Variants in TSNARE1 observed in about 807,000 individuals in gnomAD.
TSNARE1 encodes t-SNARE domain-containing protein 1.
In TSNARE1, 49 loss-of-function variants were observed where a neutral mutation model predicts 62.0. The observed-to-expected ratio is 0.79, with a 90% CI of 0.63 to 1.00. The LOEUF (loss-of-function observed/expected upper bound fraction) is 1.00, where lower values mean the gene tolerates loss of function less well. Among genes scored for constraint, TSNARE1 ranks in the 50% least tolerant of loss-of-function variants. TSNARE1 has a pLI of 0.00. For synonymous variants in TSNARE1, 328 were observed against 294.4 expected (o/e 1.11, Z -1.17); for missense variants, 755 against 700.1 (o/e 1.08, Z -0.88).
Position 142,343,817 on chromosome 8 carries a change from A to AGGAGGAGGAGGAGGGGG in TSNARE1, c.745+148_745+149insCCCCCTCCTCCTCCTCC, listed in dbSNP as rs1563952812. The AGGAGGAGGAGGAGGGGG allele has an allele frequency of 1.3e-4, 25 of 197,840 alleles. No individual in the cohort carries two copies. The African/African-American group carries it at 2.2e-3, about 17-fold the overall frequency. The allele number at this position is 197,840 out of a possible 1,614,324, so 12.3% of individuals were successfully genotyped here. On this transcript the variant is annotated intron_variant, in intron 4 of 13. Transcript: ENST00000524325. ...GGAGGGGGAGGAGGAGGAGGAGGGG[A>AGGAGGAGGAGGAGGGGG]GAGGAGGAGGGGAGAGGGGAAGGGG...
At chr8:142,223,781 C>T (rs1816649068) in intron 13 of TSNARE1, among the ~76,000 whole-genome samples, 1 of 152,232 alleles carries the variant, frequency 6.6e-6, no homozygotes, top group African/African-American at 2.4e-5. Flanking sequence ...GGTGCAGGGG[C>T]TTGGGTCCTG....
Position 142,345,807 on chromosome 8 carries a change from C to T in TSNARE1, c.174G>A (p.Gly58=). ...PESKLQNRCV[G]KDGEGDLGPA... is the part of the protein sequence containing the mutation. Reference sequence around the variant, plus strand: ...GCCCCAGATCACCTTCCCCGTCCTTCCCCACACAGCGGTTCTGCAGCTTGC... The same window carrying T: ...GCCCCAGATCACCTTCCCCGTCCTTTCCCACACAGCGGTTCTGCAGCTTGC... The change falls in exon 3 of 14, where the codon GGG becomes GGA. Residue 58 remains glycine, a synonymous_variant. Transcript: ENST00000524325. The T allele has an allele frequency of 6.2e-7, 1 of 1,613,962 alleles. No individual in the cohort carries two copies. The highest frequency in any genetic ancestry group is 8.5e-7 in the Non-Finnish European group (1 of 1,179,914).
At chr8:142,216,687 G>A (rs1287839504) in intron 13 of TSNARE1, among the ~76,000 whole-genome samples, 1 of 152,172 alleles carries the variant, frequency 6.6e-6, no homozygotes. Flanking sequence ...GGTGGGGGAC[G>A]AGCAGAGGCA....
chr8:142,331,962 C>G, intron 4 of TSNARE1, 131 bp from the exon 5 acceptor site: 1 of 872,946 alleles, frequency 1.1e-6, no homozygotes, highest in Non-Finnish European at 1.8e-6. Context: ...TGAACCCCCT[C>G]ACTGCCTTTG....
chr8:142,330,762 G>T, intron 6 of TSNARE1, 139 bp downstream of exon 6: 1 of 796,334 alleles, frequency 1.3e-6, no homozygotes, highest in Non-Finnish European at 2.1e-6. Context: ...GTGCATATGT[G>T]CGCACATGTG....
At chr8:142,347,164 G>A (rs1833480559) in intron 2 of TSNARE1, among the ~76,000 whole-genome samples, 1 of 152,240 alleles carries the variant, frequency 6.6e-6, no homozygotes, top group Non-Finnish European at 1.5e-5. Context: ...GCAGCTGCCT[G>A]GCTCATTTCG....
Position 142,372,709 on chromosome 8 carries a change from C to A in TSNARE1, c.-39-17946G>T, listed in dbSNP as rs140923633. 1.4e-3 allele frequency among the ~76,000 whole-genome samples: 219 copies of A among 152,284 alleles called. 1 individual carries two copies. Among genetic ancestry groups the A allele is most frequent in the Non-Finnish European group, 2.7e-3 (184 of 68,002 alleles). On this transcript the variant is annotated intron_variant, in intron 1 of 13. Transcript: ENST00000524325. ...CATACGCAGAAGGACCCGGAACATCCCCAAGGGCCTCCTCCTGAGAAGGCC... is the reference window on the plus strand; with the variant it reads ...CATACGCAGAAGGACCCGGAACATCACCAAGGGCCTCCTCCTGAGAAGGCC...
intron 10 of TSNARE1, among the ~76,000 whole-genome samples, chr8:142,284,921 C>T (rs537894265): frequency 3.3e-5 from 5 of 152,340 alleles, no homozygotes; most frequent in East Asian, 1.9e-4. Flanking sequence ...TATACCATCC[C>T]CACTTGCCTG....
intron 12 of TSNARE1, among the ~76,000 whole-genome samples, chr8:142,253,644 G>A (rs1030632435): frequency 7.2e-5 from 11 of 152,316 alleles, no homozygotes; most frequent in African/African-American, 2.6e-4. Flanking sequence ...CTGCCTCGAG[G>A]TCACTCTGCC....
intron 3 of TSNARE1, among the ~76,000 whole-genome samples, 165 bp downstream of exon 3, chr8:142,345,578 C>A (rs1230475811): frequency 6.6e-6 from 1 of 152,192 alleles, no homozygotes; most frequent in Non-Finnish European, 1.5e-5. Flanking sequence ...CACCCTTGAC[C>A]CTACTCAGGG....
chr8:142,341,530 G>A (rs555515321), intron 4 of TSNARE1, among the ~76,000 whole-genome samples: 1 of 152,318 alleles, frequency 6.6e-6, no homozygotes, highest in Admixed American at 6.5e-5. Flanking sequence ...GAAGCAGAGT[G>A]CGCACCTGGG....
rs762769281 is a variant in TSNARE1 at position 142,344,467 on chromosome 8, C to T, written c.244G>A (p.Gly82Arg). 3 of 1,546,420 alleles carry T rather than the reference C, an allele frequency of 1.9e-6. No individual in the cohort carries two copies. The highest frequency in any genetic ancestry group is 2.5e-5 in the South Asian group (2 of 81,378). ...ATCCGGCTGCCTTCAGGGGCAACCC[C>T]AGGCCCTGGAAAGGCACCAAAAGGC... is the stretch of plus-strand genomic sequence containing the variant. ...IVPRARKRGPGVAPEGSRMPE... is the reference protein window; with the variant it reads ...IVPRARKRGPRVAPEGSRMPE... Residue 82 changes from glycine to arginine, a missense_variant, in exon 4 of 14, where the codon GGG becomes AGG. Gly to Arg is a moderately radical substitution (Grantham distance 125, BLOSUM62 -2). Transcript: ENST00000524325.
At chr8:142,281,670 T>G (rs1821491508) in intron 11 of TSNARE1, among the ~76,000 whole-genome samples, 1 of 151,894 alleles carries the variant, frequency 6.6e-6, no homozygotes, top group Non-Finnish European at 1.5e-5. Context: ...AGGACCTCTC[T>G]AGGGAAGCCA....
At chr8:142,298,910 G>A (rs140181699) in intron 10 of TSNARE1, among the ~76,000 whole-genome samples, 18 of 152,350 alleles carry the variant, frequency 1.2e-4, no homozygotes, top group South Asian at 8.3e-4. Flanking sequence ...GGAACAGTGG[G>A]CCTCGTGCAC....
At chr8:142,257,368 G>A (rs1458391049) in intron 12 of TSNARE1, among the ~76,000 whole-genome samples, 2 of 152,280 alleles carry the variant, frequency 1.3e-5, no homozygotes, top group East Asian at 1.9e-4. Flanking sequence ...CCGCAAGCCC[G>A]AGGCATACTG....
intron 2 of TSNARE1, among the ~76,000 whole-genome samples, chr8:142,346,822 G>C (rs945597721): frequency 1.7e-4 from 26 of 152,362 alleles, no homozygotes; most frequent in Non-Finnish European, 2.2e-4. Flanking sequence ...ACAACCCTCA[G>C]AGAAGTGACA....
At chr8:142,247,325 C>T (rs903658765) in intron 12 of TSNARE1, among the ~76,000 whole-genome samples, 2 of 152,206 alleles carry the variant, frequency 1.3e-5, no homozygotes, top group African/African-American at 4.8e-5. Context: ...GAAGGTGGGA[C>T]ATGGAGTCAA....
Position 142,360,435 on chromosome 8 carries a change from G to A in TSNARE1, c.-39-5672C>T, listed in dbSNP as rs570687954. Among the ~76,000 whole-genome samples, 5 of 152,298 alleles carry A rather than the reference G, an allele frequency of 3.3e-5. No individual in the cohort carries two copies. In the East Asian group the frequency reaches 9.7e-4, roughly 30 times the overall value. On this transcript the variant is annotated intron_variant, in intron 1 of 13. Coordinates refer to ENST00000524325, the MANE Select transcript of TSNARE1 (RefSeq NM_145003.5). ...AGCTGGCAGCGGGGCCAGGACGGAG[G>A]GGTGGGCAGAGGCTGCCAGGCTGTT... is the stretch of plus-strand genomic sequence containing the variant.
chr8:142,223,954 T>TA (rs55696094), intron 13 of TSNARE1, among the ~76,000 whole-genome samples: 23 of 152,014 alleles, frequency 1.5e-4, no homozygotes, highest in Admixed American at 6.5e-4. Flanking sequence ...GGGGAGGGCT[T>TA]TCTGCCAAGG....
Sources: gnomAD v4.1 joint callset for allele counts (sites outside exome capture counted in the v4.1 genomes callset) on GRCh38, gnomAD v4.1.1 for gene constraint, MANE v1.5 for transcripts, NCBI Gene and HGNC (gene_info 2026-07-23, HGNC 2026-07-21) for gene names.